Variants in RBFOX1 observed in about 807,000 individuals in gnomAD.
RBFOX1 encodes the protein RNA binding fox-1 homolog 1.
RBFOX1 carries 8 observed loss-of-function variants against 57.7 expected under a neutral mutation model. That is an observed-to-expected ratio of 0.14 (90% CI 0.08 to 0.25). The LOEUF is 0.25. Among genes scored for constraint, RBFOX1 ranks in the 10% least tolerant of loss-of-function variants. The probability of loss-of-function intolerance (pLI) is 1.00; values close to 1 mark genes in which losing one functional copy is unlikely to be tolerated. For missense variants in RBFOX1, 611 were observed against 548.5 expected, an observed-to-expected ratio of 1.11 and a Z score of -1.14; for synonymous variants, 326 against 222.4, an observed-to-expected ratio of 1.47 and a Z score of -4.15.
chr16:7,009,602 A>G (rs186943780), intron 3 of RBFOX1, among the ~76,000 whole-genome samples: 374 of 152,276 alleles, frequency 2.5e-3, no homozygotes, highest in Middle Eastern at 0.01. Context: ...AGCTAATCCA[A>G]TAATGGAGAA....
At position 6,132,067 on chromosome 16, in the gene RBFOX1, G is replaced by A. The variant is rs17139463; in HGVS notation, c.-127+112075G>A. On this transcript the variant is annotated intron_variant, in intron 1 of 15. Transcript: ENST00000550418. The stretch of plus-strand genomic sequence containing the variant: ...ATTTTGCCAAATAGAAGCTTAACAC[G>A]CTTTAGTTCACAAAGGAGCGAGATC... Among the ~76,000 whole-genome samples, 1,082 of 152,246 alleles carry A rather than the reference G, an allele frequency of 7.1e-3. 18 individuals are homozygous for A. The highest frequency in any genetic ancestry group is 0.025 in the African/African-American group (1,024 of 41,540).
intron 3 of RBFOX1, among the ~76,000 whole-genome samples, chr16:6,852,722 G>A (rs557811659): frequency 2.0e-4 from 30 of 146,828 alleles, no homozygotes; most frequent in African/African-American, 5.3e-4. Context: ...AGCGAGGCGT[G>A]GGCTGGGAAC....
downstream of RBFOX1, among the ~76,000 whole-genome samples, chr16:5,600,896 T>A (rs1473052511): frequency 6.6e-6 from 1 of 152,176 alleles, no homozygotes; most frequent in Non-Finnish European, 1.5e-5. Flanking sequence ...CCGTAAGGTG[T>A]GTGCTGTTTT....
chr16:6,446,878 A>G (rs573636440), intron 2 of RBFOX1, among the ~76,000 whole-genome samples: 1 of 152,290 alleles, frequency 6.6e-6, no homozygotes, highest in East Asian at 1.9e-4. Context: ...ACTGAGACCT[A>G]AAAGTGTTTG....
At chr16:7,401,007 A>G (rs570672040) in intron 4 of RBFOX1, among the ~76,000 whole-genome samples, 43 of 152,326 alleles carry the variant, frequency 2.8e-4, no homozygotes, top group African/African-American at 9.9e-4. Context: ...CAGGAATGTG[A>G]AGGGACAGAA....
At chr16:7,096,029 AG>A (rs1296345025) in intron 4 of RBFOX1, among the ~76,000 whole-genome samples, 5 of 142,784 alleles carry the variant, frequency 3.5e-5, no homozygotes, top group African/African-American at 1.1e-4. Context: ...AAAAAAAAAA[AG>A]AAAAGAAAAG....
At chr16:6,950,766 T>G (rs1280797511) in intron 3 of RBFOX1, among the ~76,000 whole-genome samples, 1 of 152,118 alleles carries the variant, frequency 6.6e-6, no homozygotes, top group Non-Finnish European at 1.5e-5. Flanking sequence ...GGTAGGTGAA[T>G]TTCACTTAAT....
chr16:7,626,887 T>G (rs1183733142), intron 10 of RBFOX1, among the ~76,000 whole-genome samples: 1 of 152,124 alleles, frequency 6.6e-6, no homozygotes, highest in African/African-American at 2.4e-5. Context: ...TTCCTAGGTG[T>G]TGGGGATGAA....
At chr16:7,284,065 G>A (rs537079455) in intron 4 of RBFOX1, among the ~76,000 whole-genome samples, 4 of 152,176 alleles carry the variant, frequency 2.6e-5, no homozygotes, top group Admixed American at 2.0e-4. Context: ...GACTATCTCT[G>A]TGTAATGGAT....
At chr16:6,433,830 A>G (rs1278325305) in intron 2 of RBFOX1, among the ~76,000 whole-genome samples, 1 of 140,002 alleles carries the variant, frequency 7.1e-6, no homozygotes, top group Non-Finnish European at 1.5e-5. Flanking sequence ...TCTAGCTCCA[A>G]CCTCTTTTCA....
intron 1 of RBFOX1, among the ~76,000 whole-genome samples, chr16:6,255,290 G>T (rs1249289668): frequency 1.3e-5 from 2 of 152,146 alleles, no homozygotes; most frequent in Non-Finnish European, 2.9e-5. Flanking sequence ...AACTCTGTGG[G>T]TAGTTGAGAT....
At chr16:6,856,287 G>A (rs1176187851) in intron 3 of RBFOX1, among the ~76,000 whole-genome samples, 2 of 152,150 alleles carry the variant, frequency 1.3e-5, no homozygotes, top group Admixed American at 6.6e-5. Context: ...TTATTGTTGA[G>A]TATGATGATG....
intron 1 of RBFOX1, among the ~76,000 whole-genome samples, chr16:6,225,487 A>T (rs531009039): frequency 1.5e-4 from 23 of 152,182 alleles, no homozygotes; most frequent in Non-Finnish European, 7.3e-5. Context: ...TATATGTAAG[A>T]GATTTTTATA....
chr16:6,524,038 C>G (rs1197374908), intron 2 of RBFOX1, among the ~76,000 whole-genome samples: 1 of 152,064 alleles, frequency 6.6e-6, no homozygotes, highest in African/African-American at 2.4e-5. Context: ...TTAAAATGTA[C>G]AGGTAAGTTA....
intron 2 of RBFOX1, among the ~76,000 whole-genome samples, chr16:6,466,459 T>C (rs1235349148): frequency 6.6e-6 from 1 of 152,072 alleles, no homozygotes; most frequent in African/African-American, 2.4e-5. Context: ...AGGAAACAGA[T>C]GTTCAGGAGG....
At chr16:7,197,845 T>A (rs1266968612) in intron 4 of RBFOX1, among the ~76,000 whole-genome samples, 5 of 152,110 alleles carry the variant, frequency 3.3e-5, no homozygotes, top group Non-Finnish European at 7.3e-5. Context: ...TCCATTTCCG[T>A]GAAATATCCA....
rs944406500 is a variant in RBFOX1 at position 5,946,349 on chromosome 16, A to C, written c.351+79014A>C. 2.6e-5 allele frequency among the ~76,000 whole-genome samples: 4 copies of C among 152,174 alleles called. No homozygotes were observed. The highest frequency in any genetic ancestry group is 4.8e-5 in the African/African-American group (2 of 41,432). ...GATGTGAGTGTGTCTTCAATGATTT[A>C]CTTCTCCATTCCTTTTCTTTTCGTT... On this transcript the variant is annotated intron_variant, in intron 4 of 19. Transcript: ENST00000641259. This position sits in a 1 kb window ranked among gnomAD's most constrained non-coding sequence, Gnocchi z 4.6.
chr16:6,714,064 C>T (rs2064270373), intron 3 of RBFOX1, among the ~76,000 whole-genome samples: 1 of 152,108 alleles, frequency 6.6e-6, no homozygotes, highest in African/African-American at 2.4e-5. Context: ...GGGGTGGTTT[C>T]CCCCATGCCA....
chr16:7,491,991 A>C (rs1332965152), intron 4 of RBFOX1, among the ~76,000 whole-genome samples: 1 of 152,158 alleles, frequency 6.6e-6, no homozygotes, highest in East Asian at 1.9e-4. Flanking sequence ...GCCTAGGCTG[A>C]TAACACTCTA....
Sources: allele counts gnomAD v4.1 joint callset (sites outside exome capture counted in the v4.1 genomes callset), GRCh38; gene constraint gnomAD v4.1.1; non-coding constraint Gnocchi (gnomAD v3.1); transcripts MANE v1.5; gene names NCBI Gene and HGNC (gene_info 2026-07-23, HGNC 2026-07-21).